FAM133A: variants seen among roughly 807,000 people sequenced by gnomAD.
FAM133A encodes the protein family with sequence similarity 133 member A.
For synonymous variants in FAM133A, 65 were observed against 58.6 expected (o/e 1.11, Z -0.50); for missense variants, 159 against 164.4 (o/e 0.97, Z 0.18).
intron 3 of FAM133A, among the ~76,000 whole-genome samples, chrX:93,702,915 C>T (rs1005632144): frequency 1.9e-5 from 2 of 105,255 alleles, no homozygotes; most frequent in African/African-American, 6.9e-5. Context: ...AGGCTAGGCA[C>T]TGTGGCTCAC....
chrX:93,695,484 C>T (rs1385744857), intron 2 of FAM133A, among the ~76,000 whole-genome samples: 1 of 109,488 alleles, frequency 9.1e-6, no homozygotes, highest in Non-Finnish European at 1.9e-5. Flanking sequence ...AACTCCTGGC[C>T]TCAGGTGATC....
chrX:93,700,651 A>G (rs1041708877), intron 3 of FAM133A, among the ~76,000 whole-genome samples: 1 of 111,444 alleles, frequency 9.0e-6, no homozygotes, highest in Non-Finnish European at 1.9e-5. Context: ...TTCAGTAGTC[A>G]TCTATAATTT....
chrX:93,690,469 T>G (rs182768724), intron 2 of FAM133A, among the ~76,000 whole-genome samples: 135 of 111,738 alleles, frequency 1.2e-3, no homozygotes, highest in Non-Finnish European at 2.1e-3. Context: ...CTAAATAGAA[T>G]CATACAGTAT....
chrX:93,704,132 A>T (rs1243010461), intron 3 of FAM133A, among the ~76,000 whole-genome samples: 1 of 111,705 alleles, frequency 9.0e-6, no homozygotes. Flanking sequence ...GGAGCTATGT[A>T]TTTCCTGGAA....
chrX:93,703,104 G>A (rs1049625059), intron 3 of FAM133A, among the ~76,000 whole-genome samples: 4 of 111,411 alleles, frequency 3.6e-5, no homozygotes, highest in East Asian at 5.7e-4. Flanking sequence ...CAACAGAATC[G>A]CTTGAGCCCA....
At chrX:93,674,915 G>A (rs927876512) in intron 2 of FAM133A, among the ~76,000 whole-genome samples, 163 bp downstream of exon 2, 2 of 111,581 alleles carry the variant, frequency 1.8e-5, no homozygotes, top group African/African-American at 6.5e-5. Context: ...GCATACTAAT[G>A]TAGACAATTA....
Position 93,709,954 on chromosome X carries a change from A to C in FAM133A, c.535A>C (p.Lys179Gln), listed in dbSNP as rs1250452984. ...KEKDVRSLSKKRKKSYPDDKP... is the reference protein window; with the variant it reads ...KEKDVRSLSKQRKKSYPDDKP... ...AAAGGATGTAAGAAGCCTCAGCAAA[A>C]AAAGAAAGAAAAGTTACCCTGATGA... The change falls in exon 4 of 4, where the codon AAA becomes CAA. Residue 179 changes from lysine to glutamine, a missense_variant. Transcript: ENST00000683942. 1.7e-5 allele frequency: 20 copies of C among 1,185,916 alleles called. No homozygotes were observed. Among genetic ancestry groups the C allele is most frequent in the Admixed American group, 2.5e-5 (1 of 40,131 alleles).
chrX:93,702,645 G>A (rs1926775128), intron 3 of FAM133A, among the ~76,000 whole-genome samples: 1 of 109,184 alleles, frequency 9.2e-6, no homozygotes, highest in Admixed American at 9.8e-5. Context: ...TTCCCAAAGA[G>A]TACAGTACGG....
At chrX:93,696,656 C>T (rs780114037) in intron 2 of FAM133A, among the ~76,000 whole-genome samples, 1 of 111,698 alleles carries the variant, frequency 9.0e-6, no homozygotes, top group East Asian at 2.8e-4. Flanking sequence ...CGCAGTGGCT[C>T]ACGCCTGTAA....
intron 2 of FAM133A, among the ~76,000 whole-genome samples, chrX:93,689,128 G>A (rs1251991332): frequency 1.5e-4 from 16 of 107,039 alleles, no homozygotes; most frequent in African/African-American, 4.8e-4. Flanking sequence ...TGCAACCTCC[G>A]CCTCCCAGGT....
rs111442656 is a variant in FAM133A at position 93,686,002 on chromosome X, G to A, written c.-193+11250G>A. Among the ~76,000 whole-genome samples, 572 of 106,987 alleles carry A rather than the reference G, an allele frequency of 5.3e-3. 6 individuals are homozygous for A. Among genetic ancestry groups the A allele is most frequent in the African/African-American group, 0.018 (529 of 29,260 alleles). The allele number at this position is 106,987 out of a possible 115,157, so 92.9% of individuals were successfully genotyped here. A position where few individuals can be genotyped will look rare whatever the true frequency, so the allele number is the denominator to read the frequency against. ...CAGGCACCTGTAATCCCAGTTATTC[G>A]GGAGACTGAGGCAGAGAATCACTTG... is the stretch of plus-strand genomic sequence containing the variant. On this transcript the variant is annotated intron_variant, in intron 2 of 3. Transcript: ENST00000683942.
intron 3 of FAM133A, among the ~76,000 whole-genome samples, chrX:93,700,195 T>G (rs947405208): frequency 3.6e-5 from 4 of 111,193 alleles, no homozygotes; most frequent in Non-Finnish European, 5.7e-5. Context: ...TGTTTTTTCA[T>G]TATGTCATTT....
intron 2 of FAM133A, among the ~76,000 whole-genome samples, chrX:93,676,422 TTA>T (rs1461733251): frequency 9.0e-6 from 1 of 111,027 alleles, no homozygotes; most frequent in Non-Finnish European, 1.9e-5. Context: ...TTTCATATGT[TTA>T]TGTTTTTTTG....
At chrX:93,706,133 T>C (rs1927031838) in intron 3 of FAM133A, among the ~76,000 whole-genome samples, 1 of 112,560 alleles carries the variant, frequency 8.9e-6, no homozygotes, top group Non-Finnish European at 1.9e-5. Context: ...ACTGATCTTC[T>C]GCATTTAATA....
Position 93,710,030 on chromosome X carries a change from T to C in FAM133A, c.611T>C (p.Val204Ala), listed in dbSNP as rs1322285798. ...SSSESDYEED[V>A]QAKKKRRCEE... is the part of the protein sequence containing the mutation. ...TCTGAATCAGATTATGAAGAGGATG[T>C]GCAAGCAAAAAAGAAGAGAAGGTGT... The change falls in exon 4 of 4, where the codon GTG becomes GCG. Residue 204 changes from valine to alanine, a missense_variant. Val to Ala is a moderately conservative substitution (Grantham distance 64). Transcript: ENST00000683942. The C allele has an allele frequency of 8.3e-7, 1 of 1,204,212 alleles. No individual in the cohort carries two copies.
intron 2 of FAM133A, among the ~76,000 whole-genome samples, chrX:93,693,792 G>A: frequency 9.0e-6 from 1 of 111,524 alleles, no homozygotes. Context: ...GTTTCTTATA[G>A]AAGTTTTATA....
chrX:93,673,746 C>T (rs966968870), upstream of FAM133A, among the ~76,000 whole-genome samples: 4 of 109,934 alleles, frequency 3.6e-5, no homozygotes, highest in African/African-American at 1.3e-4. Context: ...CTACTCCTGG[C>T]TCCGCCCACC....
At chrX:93,682,863 C>T (rs1385750224) in intron 2 of FAM133A, among the ~76,000 whole-genome samples, 2 of 111,544 alleles carry the variant, frequency 1.8e-5, no homozygotes, top group Non-Finnish European at 3.8e-5. Flanking sequence ...GATCCACCTG[C>T]CTCGGCCTCC....
intron 3 of FAM133A, among the ~76,000 whole-genome samples, chrX:93,705,996 C>T (rs573252330): frequency 1.7e-4 from 19 of 111,902 alleles, no homozygotes; most frequent in African/African-American, 5.5e-4. Context: ...TTCTCACCTT[C>T]AATTCAGTCT....
Sources: allele counts gnomAD v4.1 joint callset (sites outside exome capture counted in the v4.1 genomes callset), GRCh38; gene constraint gnomAD v4.1.1; transcripts MANE v1.5; gene names NCBI Gene and HGNC (gene_info 2026-07-23, HGNC 2026-07-21).